The following PCDHGC5 variants were observed in gnomAD, a reference collection of about 807,000 sequenced individuals.
PCDHGC5 encodes protocadherin gamma-C5.
A neutral mutation model predicts 59.0 loss-of-function variants in PCDHGC5; 25 were observed. The ratio of observed to expected loss-of-function variants is 0.42; its 90% confidence interval spans 0.31 to 0.59. The LOEUF is 0.59. Among genes scored for constraint, PCDHGC5 ranks in the 20% least tolerant of loss-of-function variants. The probability of loss-of-function intolerance (pLI) is 0.13; values close to 1 mark genes in which losing one functional copy is unlikely to be tolerated. For synonymous variants in PCDHGC5, 434 were observed against 505.5 expected (o/e 0.86, Z 1.90); for missense variants, 1,067 against 1,206.4 (o/e 0.88, Z 1.71).
At chr5:141,509,845 C>G (rs1021433327) in intron 3 of PCDHGC5, among the ~76,000 whole-genome samples, 1 of 152,190 alleles carries the variant, frequency 6.6e-6, no homozygotes, top group African/African-American at 2.4e-5. Context: ...CCCATTCACT[C>G]AGAACAGGGA....
At chr5:141,506,076 T>C (rs2154593839) in intron 3 of PCDHGC5, among the ~76,000 whole-genome samples, 1 of 152,244 alleles carries the variant, frequency 6.6e-6, no homozygotes, top group South Asian at 2.1e-4. Flanking sequence ...TCCTTTGTAA[T>C]AGAGATTCGG....
rs777537045 is a variant in PCDHGC5 at position 141,490,191 on chromosome 5, A to T, written c.951A>T (p.Glu317Asp). The T allele has an allele frequency of 6.2e-7, 1 of 1,614,176 alleles. No homozygotes were observed. The highest frequency in any genetic ancestry group is 1.1e-5 in the South Asian group (1 of 91,082). The change falls in exon 1 of 4, where the codon GAA becomes GAT. Residue 317 changes from glutamate to aspartate, a missense_variant. Coordinates refer to ENST00000252087, the MANE Select transcript of PCDHGC5 (RefSeq NM_018929.3). The surrounding 1 kb of genome is among the most constrained non-coding windows in gnomAD (Gnocchi z 5.4). ...ACTTTGAGGAGTCACGTTTCTATGA[A>T]ATTCATGCAAGAGCCCGTGACCAGG... ...PIDFEESRFY[E>D]IHARARDQGQ...
chr5:141,507,754 C>T (rs1488474557), intron 3 of PCDHGC5, among the ~76,000 whole-genome samples: 7 of 152,242 alleles, frequency 4.6e-5, no homozygotes, highest in Admixed American at 2.0e-4. Flanking sequence ...GTCAAGGCCT[C>T]CCACCTTTGG....
chr5:141,508,901 C>T (rs1466455227), intron 3 of PCDHGC5, among the ~76,000 whole-genome samples: 1 of 151,946 alleles, frequency 6.6e-6, no homozygotes, highest in South Asian at 2.1e-4. Flanking sequence ...GGGGGCGGGG[C>T]GGTGGCGGAT....
chr5:141,496,916 T>C (rs1252437822), intron 2 of PCDHGC5, among the ~76,000 whole-genome samples: 4 of 148,274 alleles, frequency 2.7e-5, no homozygotes, highest in African/African-American at 9.9e-5. Context: ...CTGGGCACTG[T>C]GGTTCACGCC....
rs999463482 is a variant in PCDHGC5, at chr5:141,506,400, T to C, written c.2608+919T>C. ...GGAGGTGGCTGTGGTGAGCAGAAAATCGCACCACTGCACTCCAGCCTGGGC... is the reference window on the plus strand; with the variant it reads ...GGAGGTGGCTGTGGTGAGCAGAAAACCGCACCACTGCACTCCAGCCTGGGC... On this transcript the variant is annotated intron_variant, in intron 3 of 3. Coordinates refer to ENST00000252087, the MANE Select transcript of PCDHGC5 (RefSeq NM_018929.3). 1.2e-4 allele frequency among the ~76,000 whole-genome samples: 16 copies of C among 135,754 alleles called. No homozygotes were observed. In the Admixed American group the frequency reaches 1.3e-3, roughly 11 times the overall value. The allele number at this position is 135,754 out of a possible 152,430, so 89.1% of individuals were successfully genotyped here.
rs1303066281 is a variant in PCDHGC5, at chr5:141,511,199, G to A, written c.*26G>A. The A allele has an allele frequency of 1.2e-6, 2 of 1,612,750 alleles. No homozygotes were observed. The highest frequency in any genetic ancestry group is 1.3e-5 in the African/African-American group (1 of 74,896). On this transcript the variant is annotated 3_prime_UTR_variant, in exon 4 of 4. Transcript: ENST00000252087. The stretch of plus-strand genomic sequence containing the variant: ...CATGGAGGCCAGGCCAAGAGCCACA[G>A]GGCGGCCTCTCCCCAACCAGCCCAG...
In PCDHGC5 at chr5:141,490,262, G is replaced by A; in HGVS notation, c.1022G>A (p.Gly341Glu). 1.2e-6 allele frequency: 2 copies of A among 1,614,206 alleles called. No homozygotes were observed. Among genetic ancestry groups the A allele is most frequent in the South Asian group, 1.1e-5 (1 of 91,086 alleles). The change falls in exon 1 of 4, where the codon GGG (glycine) becomes GAG (glutamate). Residue 341 changes from glycine to glutamate, a missense_variant. By Grantham distance (98) the Gly-to-Glu change is moderately conservative (BLOSUM62 -2). Transcript: ENST00000252087. The surrounding 1 kb of genome is among the most constrained non-coding windows in gnomAD (Gnocchi z 5.4). ...CACTGTGTGATTCAAGTGGATGTGGGGGATGTCAATGACAATGCCCCAGAG... is the reference window on the plus strand; with the variant it reads ...CACTGTGTGATTCAAGTGGATGTGGAGGATGTCAATGACAATGCCCCAGAG... ...EGHCVIQVDV[G>E]DVNDNAPEVL...
At position 141,511,076 on chromosome 5, in the gene PCDHGC5, A is replaced by G. The variant is rs201009079; in HGVS notation, c.2738A>G (p.Asn913Ser). 19 of 1,614,218 alleles carry G rather than the reference A, an allele frequency of 1.2e-5. No individual in the cohort carries two copies. In the East Asian group the frequency reaches 3.6e-4, roughly 30 times the overall value. ...CAGAATGTCTACATCCCAGGCAGCA[A>G]TGCCACACTGACCAACGCAGCTGGC... ...YRQNVYIPGS[N>S]ATLTNAAGKR... Residue 913 changes from asparagine (N) to serine (S), a missense_variant, in exon 4 of 4, where the codon AAT (asparagine) becomes AGT (serine). Coordinates refer to ENST00000252087, the MANE Select transcript of PCDHGC5 (RefSeq NM_018929.3).
Position 141,511,156 on chromosome 5 carries a change from A to G in PCDHGC5, c.2818A>G (p.Lys940Glu), listed in dbSNP as rs2099883637. 6.2e-7 allele frequency: 1 copy of G among 1,614,080 alleles called. No individual in the cohort carries two copies. The highest frequency in any genetic ancestry group is 1.3e-5 in the African/African-American group (1 of 74,940). Residue 940 changes from lysine (K) to glutamate (E), a missense_variant, in exon 4 of 4, where the codon AAG (lysine) becomes GAG (glutamate). By Grantham distance (56) the Lys-to-Glu change is moderately conservative (BLOSUM62 1). Transcript: ENST00000252087. ...CAATGGCAACAAGAAGAAGTCGGGC[A>G]AGAAGGAGAAGAAGTAACATGGAGG... is the stretch of plus-strand genomic sequence containing the variant. ...GGNGNKKKSG[K>E]KEKK
At position 141,512,047 on chromosome 5, in the gene PCDHGC5, C is replaced by T. The variant is rs1183612907; in HGVS notation, c.*874C>T. 1 of 152,722 alleles carries T rather than the reference C, an allele frequency of 6.5e-6. No individual in the cohort carries two copies. The highest frequency in any genetic ancestry group is 1.5e-5 in the Non-Finnish European group (1 of 68,120). The allele number at this position is 152,722 out of a possible 1,614,324, so 9.5% of individuals were successfully genotyped here. A position where few individuals can be genotyped will look rare whatever the true frequency, so the allele number is the denominator to read the frequency against. On this transcript the variant is annotated 3_prime_UTR_variant, in exon 4 of 4. Coordinates refer to ENST00000252087, the MANE Select transcript of PCDHGC5 (RefSeq NM_018929.3). The stretch of plus-strand genomic sequence containing the variant: ...CCTTGGAGGAGGCTCTGTATGTCCT[C>T]AGGGGACTGACAACATCCTCCAGAT...
chr5:141,509,059 C>T (rs1313349089), intron 3 of PCDHGC5, among the ~76,000 whole-genome samples: 2 of 152,182 alleles, frequency 1.3e-5, no homozygotes, highest in Non-Finnish European at 2.9e-5. Flanking sequence ...CCAGAAAGCT[C>T]TCAGCTCCGG....
chr5:141,491,368 A>G lies in PCDHGC5; in HGVS notation c.2128A>G (p.Thr710Ala). ...TVSLLSLVTF[T>A]FLSAKCLQGN... ...CAGTCTCTTATCCCTAGTCACCTTC[A>G]CCTTTCTGTCAGCGAAGTGCCTTCA... Residue 710 changes from threonine to alanine, a missense_variant, in exon 1 of 4, where the codon ACC becomes GCC. Thr to Ala is a moderately conservative substitution (Grantham distance 58, BLOSUM62 0). Transcript: ENST00000252087. This position sits in a 1 kb window ranked among gnomAD's most constrained non-coding sequence, Gnocchi z 6.9. 6.2e-7 allele frequency: 1 copy of G among 1,613,842 alleles called. No homozygotes were observed. The highest frequency in any genetic ancestry group is 8.5e-7 in the Non-Finnish European group (1 of 1,179,940).
At position 141,490,821 on chromosome 5, in the gene PCDHGC5, G is replaced by A. The variant is rs907584239; in HGVS notation, c.1581G>A (p.Leu527=). Residue 527 remains leucine, a synonymous_variant, in exon 1 of 4, where the codon CTG becomes CTA. Transcript: ENST00000252087. The surrounding 1 kb of genome is among the most constrained non-coding windows in gnomAD (Gnocchi z 5.4). ...FAQRTFDYEL[L]QMLQIVVGVR... ...AGCGTACCTTTGACTATGAATTGCT[G>A]CAGATGCTGCAGATTGTGGTGGGGG... 6.2e-7 allele frequency: 1 copy of A among 1,613,876 alleles called. No homozygotes were observed. Among genetic ancestry groups the A allele is most frequent in the Non-Finnish European group, 8.5e-7 (1 of 1,179,826 alleles).
At chr5:141,502,288 G>C (rs2099813700) in intron 2 of PCDHGC5, among the ~76,000 whole-genome samples, 1 of 151,338 alleles carries the variant, frequency 6.6e-6, no homozygotes, top group African/African-American at 2.5e-5. Flanking sequence ...ATTGCATTTG[G>C]TTGTCACGTC....
intron 2 of PCDHGC5, among the ~76,000 whole-genome samples, chr5:141,502,165 T>C (rs1017904375): frequency 1.8e-4 from 28 of 152,196 alleles, no homozygotes; most frequent in African/African-American, 6.3e-4. Context: ...AGATATTCAG[T>C]TGAGGAATTT....
Position 141,491,176 on chromosome 5 carries a change from G to A in PCDHGC5, c.1936G>A (p.Val646Ile). The A allele has an allele frequency of 1.2e-6, 2 of 1,614,210 alleles. No homozygotes were observed. The highest frequency in any genetic ancestry group is 8.5e-7 in the Non-Finnish European group (1 of 1,180,024). The change falls in exon 1 of 4, where the codon GTC becomes ATC. Residue 646 changes from valine (V) to isoleucine (I), a missense_variant. Val to Ile is a conservative substitution (Grantham distance 29, BLOSUM62 3). Transcript: ENST00000252087. The surrounding 1 kb of genome is among the most constrained non-coding windows in gnomAD (Gnocchi z 6.9). ...TGACTCTGACACCCAGCAGGTGGTG[G>A]TCCTGGTGAGGGACAATGGTGACCC... Reference protein sequence around the residue: ...EDDSDTQQVVVLVRDNGDPSL... With the variant: ...EDDSDTQQVVILVRDNGDPSL...
At chr5:141,501,983 C>T (rs957901405) in intron 2 of PCDHGC5, among the ~76,000 whole-genome samples, 1 of 152,068 alleles carries the variant, frequency 6.6e-6, no homozygotes, top group Non-Finnish European at 1.5e-5. Context: ...CATCTGGTCC[C>T]GTTGTCTCCC....
In PCDHGC5 at chr5:141,512,385, A is replaced by G. The variant is rs78180647; in HGVS notation, c.*1212A>G. 6,750 of 152,704 alleles carry G rather than the reference A, an allele frequency of 0.044. 413 individuals carry two copies. Among genetic ancestry groups the G allele is most frequent in the Admixed American group, 0.18 (2,745 of 15,296 alleles). The allele number at this position is 152,704 out of a possible 1,614,324, so 9.5% of individuals were successfully genotyped here. ...TAGGGCAGGGACCAAATGAACAGAAAGTCTCAGCCCAGGATGGGGCTTCTT... is the reference window on the plus strand; with the variant it reads ...TAGGGCAGGGACCAAATGAACAGAAGGTCTCAGCCCAGGATGGGGCTTCTT... On this transcript the variant is annotated 3_prime_UTR_variant, in exon 4 of 4. Coordinates refer to ENST00000252087, the MANE Select transcript of PCDHGC5 (RefSeq NM_018929.3).
Sources: gnomAD v4.1 joint callset for allele counts (sites outside exome capture counted in the v4.1 genomes callset) on GRCh38, gnomAD v4.1.1 for gene constraint, Gnocchi (gnomAD v3.1) non-coding constraint, MANE v1.5 for transcripts, NCBI Gene and HGNC (gene_info 2026-07-23, HGNC 2026-07-21) for gene names.